CADM2: variants seen among roughly 807,000 people sequenced by gnomAD.
The protein encoded by CADM2 is immunoglobulin superfamily member 4D.
A neutral mutation model predicts 49.8 loss-of-function variants in CADM2; 12 were observed. That is an observed-to-expected ratio of 0.24 (90% confidence interval 0.15 to 0.39). The LOEUF (loss-of-function observed/expected upper bound fraction) is 0.39. Ranked by LOEUF, CADM2 falls within the 10% of genes least tolerant of loss-of-function variation. The pLI is 1.00. For synonymous variants in CADM2, 214 were observed against 175.4 expected, an observed-to-expected ratio of 1.22 and a Z score of -1.74; for missense variants, 378 against 492.3, an observed-to-expected ratio of 0.77 and a Z score of 2.20.
At chr3:85,660,332 G>T (rs2065360856) in intron 1 of CADM2, among the ~76,000 whole-genome samples, 2 of 151,892 alleles carry the variant, frequency 1.3e-5, no homozygotes, top group Admixed American at 1.3e-4. Context: ...TTGGTTTGCT[G>T]GATTTTAATT....
intron 1 of CADM2, among the ~76,000 whole-genome samples, chr3:85,514,156 T>C (rs1233467791): frequency 6.6e-6 from 1 of 152,036 alleles, no homozygotes; most frequent in Non-Finnish European, 1.5e-5. Flanking sequence ...GGAGGATTAA[T>C]GAAAACACAA....
intron 1 of CADM2, among the ~76,000 whole-genome samples, chr3:85,596,482 G>A (rs1188883696): frequency 6.6e-6 from 1 of 152,066 alleles, no homozygotes; most frequent in Non-Finnish European, 1.5e-5. Context: ...AATGGTGACT[G>A]ATATTTTAAA....
rs568752208 is a variant in CADM2, at chr3:85,931,672, G to A, written c.701-4095G>A. Among the ~76,000 whole-genome samples the A allele has an allele frequency of 3.9e-4, 59 of 152,088 alleles. 1 individual carries two copies. The highest frequency in any genetic ancestry group is 1.9e-3 in the South Asian group (9 of 4,818). ...ATTTGAATTAAGATTTTAAAAATAC[G>A]TAAGAATTAAATAAGCAAGGAATCT... On this transcript the variant is annotated intron_variant, in intron 6 of 9. Coordinates refer to ENST00000383699, the MANE Select transcript of CADM2 (RefSeq NM_001167675.2).
intron 1 of CADM2, among the ~76,000 whole-genome samples, chr3:85,138,303 G>A (rs1242060705): frequency 1.3e-5 from 2 of 152,116 alleles, no homozygotes; most frequent in Non-Finnish European, 2.9e-5. Context: ...AATGGGAAAG[G>A]TGCTGCCATT....
chr3:85,708,835 C>G (rs1416898047), intron 1 of CADM2, among the ~76,000 whole-genome samples: 1 of 151,900 alleles, frequency 6.6e-6, no homozygotes, highest in African/African-American at 2.4e-5. Context: ...GAAATATACA[C>G]AAAGGTTGCA....
At chr3:85,840,110 T>C (rs1577446746) in intron 3 of CADM2, among the ~76,000 whole-genome samples, 1 of 151,918 alleles carries the variant, frequency 6.6e-6, no homozygotes, top group African/African-American at 2.4e-5. Flanking sequence ...TTGACAGCCA[T>C]GTTTTTTAGT....
intron 8 of CADM2, among the ~76,000 whole-genome samples, chr3:85,970,706 T>G (rs1726015093): frequency 6.6e-6 from 1 of 151,720 alleles, no homozygotes; most frequent in African/African-American, 2.4e-5. Context: ...TTCACTAAAA[T>G]TAGTGCCGTG....
At chr3:85,293,202 T>C (rs1422757975) in intron 1 of CADM2, among the ~76,000 whole-genome samples, 1 of 151,994 alleles carries the variant, frequency 6.6e-6, no homozygotes, top group Non-Finnish European at 1.5e-5. Flanking sequence ...AATGGATAAA[T>C]TCCTCAACAC....
At chr3:85,575,223 A>G (rs532046682) in intron 1 of CADM2, among the ~76,000 whole-genome samples, 1 of 152,256 alleles carries the variant, frequency 6.6e-6, no homozygotes, top group African/African-American at 2.4e-5. Flanking sequence ...TAGAATCTTC[A>G]ATGAAAATGC....
intron 3 of CADM2, among the ~76,000 whole-genome samples, chr3:85,832,552 G>A (rs2074229699): frequency 6.6e-6 from 1 of 151,684 alleles, no homozygotes; most frequent in African/African-American, 2.4e-5. Flanking sequence ...TCTATTCCAA[G>A]GTATTTTTTC....
intron 8 of CADM2, among the ~76,000 whole-genome samples, chr3:86,042,347 A>G (rs1326113620): frequency 6.6e-6 from 1 of 152,168 alleles, no homozygotes; most frequent in Admixed American, 6.5e-5. Flanking sequence ...CTAATAAAGA[A>G]GAAAAGAGAG....
intron 6 of CADM2, among the ~76,000 whole-genome samples, chr3:85,921,395 T>G (rs1362083310): frequency 6.6e-6 from 1 of 152,006 alleles, no homozygotes; most frequent in Non-Finnish European, 1.5e-5. Flanking sequence ...TAAATCAATG[T>G]ATTAGACTTT....
chr3:85,383,488 C>T (rs1007276684), intron 1 of CADM2, among the ~76,000 whole-genome samples: 2 of 141,366 alleles, frequency 1.4e-5, no homozygotes, highest in South Asian at 4.6e-4. Flanking sequence ...TAATATAATA[C>T]TTTATACATA....
At chr3:85,804,866 G>A (rs1484569233) in intron 3 of CADM2, among the ~76,000 whole-genome samples, 1 of 152,050 alleles carries the variant, frequency 6.6e-6, no homozygotes, top group Non-Finnish European at 1.5e-5. Flanking sequence ...TGGGAAATAT[G>A]GTAATATATT....
At chr3:85,303,060 A>C (rs2044137506) in intron 1 of CADM2, among the ~76,000 whole-genome samples, 1 of 151,960 alleles carries the variant, frequency 6.6e-6, no homozygotes, top group South Asian at 2.1e-4. Flanking sequence ...AAGTCTAAAC[A>C]CTGTCTCTTA....
chr3:84,959,971 T>C (rs1343709540), intron 1 of CADM2: 12 of 508,554 alleles, frequency 2.4e-5, no homozygotes, highest in Non-Finnish European at 3.2e-5. Flanking sequence ...CCACGCCTTT[T>C]GGCTGGCAAC....
chr3:85,410,398 C>A (rs1159153099), intron 1 of CADM2, among the ~76,000 whole-genome samples: 1 of 152,146 alleles, frequency 6.6e-6, no homozygotes, highest in African/African-American at 2.4e-5. Context: ...CCATTTTAAA[C>A]CTATCTCTCC....
At chr3:85,900,523 A>T (rs1167845147) in intron 5 of CADM2, among the ~76,000 whole-genome samples, 2 of 152,224 alleles carry the variant, frequency 1.3e-5, no homozygotes, top group African/African-American at 4.8e-5. Context: ...CATGAGATAC[A>T]TAAAAACATT....
At chr3:85,445,782 G>T (rs2037420739) in intron 1 of CADM2, among the ~76,000 whole-genome samples, 1 of 152,076 alleles carries the variant, frequency 6.6e-6, no homozygotes, top group African/African-American at 2.4e-5. Context: ...TTAGAGAACT[G>T]GTTGCCTTTT....
Sources: gnomAD v4.1 joint callset for allele counts (sites outside exome capture counted in the v4.1 genomes callset) on GRCh38, gnomAD v4.1.1 for gene constraint, MANE v1.5 for transcripts, NCBI Gene and HGNC (gene_info 2026-07-23, HGNC 2026-07-21) for gene names.